Variants in PPP4R1 observed in about 807,000 individuals in gnomAD.
PPP4R1 encodes the protein protein phosphatase 4 regulatory subunit 1.
In PPP4R1, 42 loss-of-function variants were observed where a neutral mutation model predicts 111.2. That is an observed-to-expected ratio of 0.38 (90% confidence interval 0.29 to 0.49). The LOEUF is 0.49. Ranked by LOEUF, PPP4R1 falls within the 20% of genes least tolerant of loss-of-function variation. The probability of loss-of-function intolerance (pLI) is 0.97; values close to 1 mark genes in which losing one functional copy is unlikely to be tolerated. For synonymous variants in PPP4R1, 409 were observed against 405.5 expected (o/e 1.01, Z -0.10); for missense variants, 1,012 against 1,161.6 (o/e 0.87, Z 1.87).
chr18:9,563,354 T>C (rs2066708790), intron 12 of PPP4R1, 24 bp downstream of exon 12: 6 of 1,580,762 alleles, frequency 3.8e-6, no homozygotes, highest in Non-Finnish European at 5.2e-6. Context: ...TCTCATTTGG[T>C]AAACACTTTA....
intron 10 of PPP4R1, among the ~76,000 whole-genome samples, chr18:9,573,948 T>C (rs1007846641): frequency 3.6e-4 from 55 of 152,152 alleles, no homozygotes; most frequent in African/African-American, 1.2e-3. Context: ...CAGTATTAAA[T>C]TGTGGACAGA....
chr18:9,605,256 A>T (rs886418691), intron 2 of PPP4R1, among the ~76,000 whole-genome samples: 42 of 152,190 alleles, frequency 2.8e-4, no homozygotes, highest in African/African-American at 1.0e-3. Context: ...TAACAAATAA[A>T]TATACCAACA....
chr18:9,590,654 T>C (rs1302101898), intron 4 of PPP4R1, among the ~76,000 whole-genome samples: 1 of 152,004 alleles, frequency 6.6e-6, no homozygotes, highest in Non-Finnish European at 1.5e-5. Context: ...CTGGGAAAGA[T>C]GGTCTTCCCA....
At position 9,570,350 on chromosome 18, in the gene PPP4R1, C is replaced by T; in HGVS notation, c.1380G>A (p.Arg460=). 6.2e-7 allele frequency: 1 copy of T among 1,611,294 alleles called. No individual in the cohort carries two copies. Residue 460 remains arginine (R), a synonymous_variant, in exon 11 of 20, where the codon AGG becomes AGA. Coordinates refer to ENST00000400556, the MANE Select transcript of PPP4R1 (RefSeq NM_001042388.3). ...CTAGATCTATTTCAGGAAGAGGAGT[C>T]CTCCAGAAATGGAAGGAGTTATACA... is the stretch of plus-strand genomic sequence containing the variant. The part of the protein sequence containing the change: ...QELYNSFHFW[R]TPLPEIDLDI...
chr18:9,593,955 C>G, intron 3 of PPP4R1, 81 bp from the exon 4 acceptor site: 3 of 1,092,822 alleles, frequency 2.7e-6, no homozygotes, highest in Non-Finnish European at 2.7e-6. Context: ...GAGACAGGGC[C>G]TCATTCCTGT....
chr18:9,614,111 G>A lies in PPP4R1; in HGVS notation c.52+115C>T. Reference sequence around the variant, plus strand: ...TCGCCACCCCAGCCCGCCTGGGGCCGCCCTCGCCCACCGTCCCCTCAGCCA... The same window carrying A: ...TCGCCACCCCAGCCCGCCTGGGGCCACCCTCGCCCACCGTCCCCTCAGCCA... On this transcript the variant is annotated intron_variant, in intron 2 of 19. Transcript: ENST00000400556. The surrounding 1 kb of genome is among the most constrained non-coding windows in gnomAD (Gnocchi z 4.1). 7 of 934,854 alleles carry A rather than the reference G, an allele frequency of 7.5e-6. No individual in the cohort carries two copies. Among genetic ancestry groups the A allele is most frequent in the Non-Finnish European group, 9.6e-6 (7 of 728,462 alleles). 57.9% of individuals were successfully genotyped at this position (934,854 alleles called of 1,614,324 possible). A position where few individuals can be genotyped will look rare whatever the true frequency, so the allele number is the denominator to read the frequency against.
At chr18:9,601,097 T>C (rs2067373963) in intron 2 of PPP4R1, among the ~76,000 whole-genome samples, 1 of 152,042 alleles carries the variant, frequency 6.6e-6, no homozygotes, top group Admixed American at 6.6e-5. Context: ...CCTCTTTCAC[T>C]GATGAAGTAA....
intron 2 of PPP4R1, among the ~76,000 whole-genome samples, chr18:9,604,765 A>T (rs1167951019): frequency 1.3e-5 from 2 of 152,008 alleles, no homozygotes; most frequent in African/African-American, 2.4e-5. Flanking sequence ...CTCCCTCCCC[A>T]ACATATATAA....
At chr18:9,564,725 TGTGTGTGTGTGTGGGG>T (rs768329736) in intron 11 of PPP4R1, among the ~76,000 whole-genome samples, 28 of 51,460 alleles carry the variant, frequency 5.4e-4, no homozygotes, top group Non-Finnish European at 8.0e-4. Flanking sequence ...TGTGTGTGTG[TGTGTGTGTGTGTGGGG>T]GTATCATCCC....
At position 9,547,319 on chromosome 18, in the gene PPP4R1, G is replaced by A. The variant is rs1034074743; in HGVS notation, c.*470C>T. ...GCTGGACAGCTGGCCACAGAGCCCA[G>A]CAAGTCCTTCCTGGGAGAGAAGAGT... is the stretch of plus-strand genomic sequence containing the variant. On this transcript the variant is annotated 3_prime_UTR_variant, in exon 20 of 20. Coordinates refer to ENST00000400556, the MANE Select transcript of PPP4R1 (RefSeq NM_001042388.3). The A allele has an allele frequency of 6.3e-6, 1 of 158,994 alleles. No individual in the cohort carries two copies. The highest frequency in any genetic ancestry group is 2.4e-5 in the African/African-American group (1 of 41,664). The allele number at this position is 158,994 out of a possible 1,614,324, so 9.8% of individuals were successfully genotyped here. A position where few individuals can be genotyped will look rare whatever the true frequency, so the allele number is the denominator to read the frequency against.
chr18:9,606,400 G>A (rs1411971339), intron 2 of PPP4R1, among the ~76,000 whole-genome samples: 1 of 152,148 alleles, frequency 6.6e-6, no homozygotes, highest in Admixed American at 6.6e-5. Context: ...CTGAGTAGCT[G>A]CAACAAAGAT....
intron 6 of PPP4R1, 26 bp from the exon 7 acceptor site, chr18:9,584,854 A>G: frequency 6.6e-7 from 1 of 1,518,440 alleles, no homozygotes; most frequent in South Asian, 1.2e-5. Context: ...ACAAACACAC[A>G]CTGAAAATAT....
intron 10 of PPP4R1, among the ~76,000 whole-genome samples, chr18:9,574,867 CAG>C (rs2066914058): frequency 6.6e-6 from 1 of 152,204 alleles, no homozygotes; most frequent in Non-Finnish European, 1.5e-5. Flanking sequence ...AGTACAAAAA[CAG>C]GGAGAATTAA....
chr18:9,605,296 T>C (rs1420522859), intron 2 of PPP4R1, among the ~76,000 whole-genome samples: 1 of 152,156 alleles, frequency 6.6e-6, no homozygotes, highest in Non-Finnish European at 1.5e-5. Context: ...CAGGCTCTTC[T>C]ATAAAGCAGA....
chr18:9,566,648 GACACACACACACACACAC>G (rs56772611), intron 11 of PPP4R1, among the ~76,000 whole-genome samples: 2,322 of 144,216 alleles, frequency 0.016, 29 homozygotes, highest in Middle Eastern at 0.025. Context: ...GAGGCGCTGT[GACACACACACACACACAC>G]ACACACACAC....
In PPP4R1 at chr18:9,570,757, T is replaced by C. The variant is rs2066849959; in HGVS notation, c.1047-74A>G. 4.6e-5 allele frequency: 65 copies of C among 1,427,522 alleles called. 1 individual carries two copies. In the South Asian group the frequency reaches 6.3e-4, roughly 14 times the overall value. The allele number at this position is 1,427,522 out of a possible 1,614,324, so 88.4% of individuals were successfully genotyped here. A position where few individuals can be genotyped will look rare whatever the true frequency, so the allele number is the denominator to read the frequency against. On this transcript the variant is annotated intron_variant, in intron 10 of 19. Transcript: ENST00000400556. ...ACTTTAAAAAAACTGATGAAAGATA[T>C]TACATATAGCATTTAGACAAGTTAA...
At chr18:9,559,361 G>A in intron 14 of PPP4R1, 58 bp downstream of exon 14, 1 of 1,431,646 alleles carries the variant, frequency 7.0e-7, no homozygotes, top group East Asian at 2.4e-5. Flanking sequence ...GTTACAAAAA[G>A]CAAAGCACTG....
At chr18:9,552,302 ACAT>A (rs1418022735) in intron 16 of PPP4R1, among the ~76,000 whole-genome samples, 2 of 152,236 alleles carry the variant, frequency 1.3e-5, no homozygotes, top group Admixed American at 6.5e-5. Flanking sequence ...AAAGTGTTCA[ACAT>A]CATTAGTCAT....
upstream of PPP4R1, chr18:9,615,120 C>T (rs2067672512): frequency 6.6e-6 from 1 of 152,326 alleles, no homozygotes; most frequent in South Asian, 2.1e-4. Flanking sequence ...CCGGGGCCCT[C>T]GCCAAGTGGC....
Sources: allele counts gnomAD v4.1 joint callset (sites outside exome capture counted in the v4.1 genomes callset), GRCh38; gene constraint gnomAD v4.1.1; non-coding constraint Gnocchi (gnomAD v3.1); transcripts MANE v1.5; gene names NCBI Gene and HGNC (gene_info 2026-07-23, HGNC 2026-07-21).